The following EXOC6 variants were observed in gnomAD, a reference collection of about 807,000 sequenced individuals.
EXOC6 encodes SEC15-like 1.
In EXOC6, 60 loss-of-function variants were observed where a neutral mutation model predicts 112.5. The ratio of observed to expected loss-of-function variants is 0.53; its 90% CI spans 0.43 to 0.66. The LOEUF is 0.66. EXOC6 is among the 30% of genes least tolerant of loss of function. The pLI, the probability that EXOC6 is intolerant of heterozygous loss-of-function variation, is 0.00. For missense variants in EXOC6, 855 were observed against 957.1 expected, an observed-to-expected ratio of 0.89 and a Z score of 1.41; for synonymous variants, 295 against 308.0, an observed-to-expected ratio of 0.96 and a Z score of 0.44.
At chr10:92,914,415 C>T (rs1850967616) in intron 6 of EXOC6, among the ~76,000 whole-genome samples, 1 of 152,124 alleles carries the variant, frequency 6.6e-6, no homozygotes, top group Admixed American at 6.6e-5. Flanking sequence ...TTGTAAATCT[C>T]CTAGGAGGAG....
At chr10:92,843,508 C>T (rs567499443), upstream of EXOC6, among the ~76,000 whole-genome samples, 5 of 152,168 alleles carry the variant, frequency 3.3e-5, no homozygotes, top group Non-Finnish European at 7.3e-5. Flanking sequence ...ATAGGGTTCC[C>T]AGGGGTGAGG....
At chr10:92,897,970 T>C (rs1937379664) in intron 4 of EXOC6, among the ~76,000 whole-genome samples, 1 of 152,212 alleles carries the variant, frequency 6.6e-6, no homozygotes, top group Non-Finnish European at 1.5e-5. Context: ...GTCATGGGCA[T>C]GCCCTTAATC....
At chr10:92,939,789 T>C (rs1048540317) in intron 12 of EXOC6, among the ~76,000 whole-genome samples, 6 of 152,116 alleles carry the variant, frequency 3.9e-5, no homozygotes, top group African/African-American at 1.4e-4. Context: ...GTGATTGGTG[T>C]TATAGAATTC....
Position 92,827,474 on chromosome 10 carries a change from C to CAAAAAAAAA in EXOC6, c.-27+554_-27+562dup, listed in dbSNP as rs60863083. Among the ~76,000 whole-genome samples, 251 of 33,212 alleles carry CAAAAAAAAA rather than the reference C, an allele frequency of 7.6e-3. 74 individuals carry two copies. Among genetic ancestry groups the CAAAAAAAAA allele is most frequent in the South Asian group, 0.048 (18 of 374 alleles). 21.8% of individuals were successfully genotyped at this position (33,212 alleles called of 152,430 possible). ...GGGCGACAGAGTGAGGCCCTGTTGC[C>CAAAAAAAAA]AAAAAAAAAAAAAAAAAAAAAAAAA... On this transcript the variant is annotated intron_variant, in intron 1 of 22. Transcript: ENST00000671701.
chr10:92,830,658 C>A (rs1000591987), upstream of EXOC6, among the ~76,000 whole-genome samples: 2 of 152,152 alleles, frequency 1.3e-5, no homozygotes, highest in African/African-American at 4.8e-5. Flanking sequence ...ATCAGTAGCA[C>A]CACCCACCTC....
At chr10:92,976,411 G>A (rs375595459) in intron 18 of EXOC6, among the ~76,000 whole-genome samples, 22,189 of 151,560 alleles carry the variant, frequency 0.15, 1,731 homozygotes, top group Middle Eastern at 0.26. Context: ...ACTCAGGGTT[G>A]AATGGATTAA....
At chr10:93,017,838 C>G (rs1007140508) in intron 20 of EXOC6, among the ~76,000 whole-genome samples, 5 of 151,588 alleles carry the variant, frequency 3.3e-5, no homozygotes, top group African/African-American at 1.2e-4. Context: ...AGTGAAACCC[C>G]GTCTCTACTA....
At chr10:92,975,654 G>T (rs1564878861) in intron 18 of EXOC6, among the ~76,000 whole-genome samples, 1 of 130,044 alleles carries the variant, frequency 7.7e-6, no homozygotes, top group Non-Finnish European at 1.7e-5. Context: ...ACCCCGTCCG[G>T]GAGGTGAGGG....
chr10:92,927,917 T>C (rs1851814396), intron 8 of EXOC6, among the ~76,000 whole-genome samples: 1 of 152,116 alleles, frequency 6.6e-6, no homozygotes, highest in African/African-American at 2.4e-5. Context: ...ATGGATATAT[T>C]GAGAGTGAAA....
chr10:93,045,151 C>T (rs1287831587), intron 20 of EXOC6, among the ~76,000 whole-genome samples: 3 of 152,200 alleles, frequency 2.0e-5, no homozygotes, highest in African/African-American at 2.4e-5. Flanking sequence ...GGATTACAGG[C>T]GTGAGCCACC....
chr10:92,853,224 ATAAAT>A (rs764167844), intron 1 of EXOC6, among the ~76,000 whole-genome samples: 45 of 152,234 alleles, frequency 3.0e-4, no homozygotes, highest in Non-Finnish European at 6.5e-4. Context: ...CATTGCTGAT[ATAAAT>A]TAAATTAACA....
intron 17 of EXOC6, among the ~76,000 whole-genome samples, chr10:92,968,773 C>G (rs1430022664): frequency 1.3e-5 from 2 of 151,996 alleles, no homozygotes. Context: ...TCAAAACAGC[C>G]CTGTGAGATG....
Position 92,894,827 on chromosome 10 carries a change from G to C in EXOC6, c.307G>C (p.Asp103His). Residue 103 changes from aspartate (D) to histidine (H), a missense_variant, in exon 3 of 22, where the codon GAT becomes CAT. Asp to His is a moderately conservative substitution (Grantham distance 81). Around this residue, in one of 2 missense-constraint regions of EXOC6, gnomAD observed 405 missense variants for 393.6 expected, o/e 1.03. Transcript: ENST00000260762. Reference protein sequence around the residue: ...QVTDTNRRFQDAGKEVIVHTE... With the variant: ...QVTDTNRRFQHAGKEVIVHTE... ...TACTGATACCAACCGAAGGTTTCAA[G>C]ATGCTGGAAAAGAGGTGAGAAAATG... 1 of 1,613,542 alleles carries C rather than the reference G, an allele frequency of 6.2e-7. No homozygotes were observed. Among genetic ancestry groups the C allele is most frequent in the Non-Finnish European group, 8.5e-7 (1 of 1,179,686 alleles).
intron 5 of EXOC6, among the ~76,000 whole-genome samples, chr10:92,902,779 C>A (rs965837630): frequency 2.6e-5 from 4 of 152,144 alleles, no homozygotes; most frequent in Admixed American, 6.5e-5. Context: ...CTCCTCCCTT[C>A]TCTAGAAATA....
intron 5 of EXOC6, chr10:92,900,857 T>C (rs1210438136): frequency 1.3e-5 from 2 of 152,160 alleles, no homozygotes; most frequent in Admixed American, 6.5e-5. Flanking sequence ...TAATCTAATA[T>C]TTATACTCAC....
At chr10:92,956,101 A>C (rs771732404) in intron 17 of EXOC6, among the ~76,000 whole-genome samples, 4 of 152,130 alleles carry the variant, frequency 2.6e-5, no homozygotes, top group Non-Finnish European at 5.9e-5. Flanking sequence ...ATTGGTTCTG[A>C]TCTGAAGAAA....
At chr10:93,012,011 T>C (rs1444769932) in intron 19 of EXOC6, among the ~76,000 whole-genome samples, 1 of 152,182 alleles carries the variant, frequency 6.6e-6, no homozygotes, top group Non-Finnish European at 1.5e-5. Context: ...ATTTAGTCAC[T>C]TATCTAATGA....
chr10:92,940,890 G>GA, intron 13 of EXOC6, 66 bp downstream of exon 13: 2 of 981,944 alleles, frequency 2.0e-6, no homozygotes, highest in African/African-American at 1.7e-5. Flanking sequence ...TGGTTCATTT[G>GA]CATATATTAA....
chr10:93,001,975 C>G (rs938394253), intron 19 of EXOC6, among the ~76,000 whole-genome samples: 2 of 152,178 alleles, frequency 1.3e-5, no homozygotes, highest in Non-Finnish European at 1.5e-5. Flanking sequence ...TAGAGATACT[C>G]AGGTGTACAG....
Sources: gnomAD v4.1 joint callset for allele counts (sites outside exome capture counted in the v4.1 genomes callset) on GRCh38, gnomAD v4.1.1 for gene constraint, gnomAD v4.1.1 regional missense constraint, MANE v1.5 for transcripts, NCBI Gene and HGNC (gene_info 2026-07-23, HGNC 2026-07-21) for gene names.